The following LINGO2 variants were observed in gnomAD, a reference collection of about 807,000 sequenced individuals.
LINGO2 encodes the protein leucine rich repeat and Ig domain containing 2, also known as leucine-rich repeat and immunoglobulin-like domain-containing nogo receptor-interacting protein 2.
LINGO2 carries 14 observed loss-of-function variants against 30.6 expected under a neutral mutation model. That is an observed-to-expected ratio of 0.46 (90% CI 0.30 to 0.72). The LOEUF is 0.72. Among genes scored for constraint, LINGO2 ranks in the 30% least tolerant of loss-of-function variants. LINGO2 has a pLI of 0.07. For synonymous variants in LINGO2, 317 were observed against 288.5 expected (o/e 1.10, Z -1.00); for missense variants, 729 against 751.7 (o/e 0.97, Z 0.35).
the LINGO2 span, among the ~76,000 whole-genome samples, chr9:28,954,121 AACAAAT>A: frequency 6.6e-6 from 1 of 152,200 alleles, no homozygotes; most frequent in Non-Finnish European, 1.5e-5. Flanking sequence ...GATCACTGGC[AACAAAT>A]ACAAATACAA....
chr9:29,119,316 T>C, the LINGO2 span, among the ~76,000 whole-genome samples: 1 of 151,914 alleles, frequency 6.6e-6, no homozygotes, highest in Non-Finnish European at 1.5e-5. Context: ...ATATTCAAAA[T>C]ATATAAGGGA....
chr9:28,003,713 G>A (rs1209617834), intron 5 of LINGO2, among the ~76,000 whole-genome samples: 1 of 152,120 alleles, frequency 6.6e-6, no homozygotes, highest in African/African-American at 2.4e-5. Flanking sequence ...CGCCCGCCTT[G>A]GCCTCCCAGT....
chr9:28,745,599 G>A, the LINGO2 span, among the ~76,000 whole-genome samples: 1 of 151,894 alleles, frequency 6.6e-6, no homozygotes, highest in Non-Finnish European at 1.5e-5. Context: ...TCATCATTCT[G>A]GCAAGAATAT....
intron 1 of LINGO2, among the ~76,000 whole-genome samples, chr9:28,492,877 G>A (rs528043805): frequency 1.5e-3 from 230 of 152,274 alleles, no homozygotes; most frequent in Middle Eastern, 6.8e-3. Flanking sequence ...GAGCGGGCGG[G>A]TGGACTACTT....
At chr9:28,766,404 G>A in the LINGO2 span, among the ~76,000 whole-genome samples, 249 of 150,106 alleles carry the variant, frequency 1.7e-3, 2 homozygotes, top group African/African-American at 5.8e-3. Flanking sequence ...TGATATCAAA[G>A]CCACCTGATA....
intron 1 of LINGO2, among the ~76,000 whole-genome samples, chr9:28,505,241 T>G (rs1820062035): frequency 6.6e-6 from 1 of 151,064 alleles, no homozygotes; most frequent in African/African-American, 2.4e-5. Flanking sequence ...ATATGAGACA[T>G]TTTTTCATGG....
intron 1 of LINGO2, among the ~76,000 whole-genome samples, chr9:28,551,519 G>A (rs987592585): frequency 2.0e-5 from 3 of 151,836 alleles, no homozygotes; most frequent in African/African-American, 7.2e-5. Context: ...TTAAAATTAT[G>A]TTCTGCTTTT....
chr9:28,235,852 A>G (rs1352659382), intron 4 of LINGO2, among the ~76,000 whole-genome samples: 2 of 152,190 alleles, frequency 1.3e-5, no homozygotes, highest in Non-Finnish European at 2.9e-5. Context: ...TCAAAGGGCA[A>G]ATGTAAGAGT....
At chr9:28,786,263 C>G in the LINGO2 span, among the ~76,000 whole-genome samples, 1 of 152,134 alleles carries the variant, frequency 6.6e-6, no homozygotes, top group Non-Finnish European at 1.5e-5. Context: ...CCTACCATGA[C>G]ACCTCCTTAA....
chr9:28,776,152 C>T, the LINGO2 span, among the ~76,000 whole-genome samples: 2 of 152,150 alleles, frequency 1.3e-5, no homozygotes, highest in African/African-American at 4.8e-5. Flanking sequence ...CTTGAATAAG[C>T]CCCTGGCTTC....
At chr9:28,124,921 G>A (rs1827196060) in intron 4 of LINGO2, among the ~76,000 whole-genome samples, 1 of 152,174 alleles carries the variant, frequency 6.6e-6, no homozygotes, top group Non-Finnish European at 1.5e-5. Context: ...AGAAGATAAT[G>A]ACATGTGCCA....
intron 2 of LINGO2, among the ~76,000 whole-genome samples, chr9:28,448,811 T>C (rs914085815): frequency 2.0e-5 from 3 of 151,552 alleles, no homozygotes; most frequent in Non-Finnish European, 4.4e-5. Flanking sequence ...GAGGAAAGAG[T>C]GTGATGAGAG....
intron 5 of LINGO2, among the ~76,000 whole-genome samples, chr9:27,999,773 T>C (rs368908869): frequency 2.6e-5 from 4 of 152,188 alleles, no homozygotes; most frequent in African/African-American, 7.2e-5. Context: ...TGCTGACTTC[T>C]AGGACTTGGG....
At chr9:28,484,856 G>GA (rs1826109095) in intron 1 of LINGO2, among the ~76,000 whole-genome samples, 11 of 152,130 alleles carry the variant, frequency 7.2e-5, no homozygotes, top group Non-Finnish European at 1.6e-4. Flanking sequence ...TCTACAGGGT[G>GA]TTGTGAGCAA....
chr9:28,325,026 G>A (rs964066223), intron 3 of LINGO2, among the ~76,000 whole-genome samples: 1 of 151,528 alleles, frequency 6.6e-6, no homozygotes, highest in African/African-American at 2.4e-5. Context: ...TCTCTTCCAC[G>A]TATCTCTCTT....
intron 1 of LINGO2, among the ~76,000 whole-genome samples, chr9:28,633,182 TGCCTTCCCCA>T (rs1827083572): frequency 6.6e-6 from 1 of 152,044 alleles, no homozygotes; most frequent in African/African-American, 2.4e-5. Flanking sequence ...AGGGTGGATC[TGCCTTCCCCA>T]GCCCACTGAC....
At chr9:28,500,390 C>A (rs933487541) in intron 1 of LINGO2, among the ~76,000 whole-genome samples, 1 of 152,036 alleles carries the variant, frequency 6.6e-6, no homozygotes, top group Non-Finnish European at 1.5e-5. Flanking sequence ...TTGAGGCAAA[C>A]AAACAGCATT....
chr9:28,883,564 C>T, the LINGO2 span, among the ~76,000 whole-genome samples: 1 of 145,890 alleles, frequency 6.9e-6, no homozygotes, highest in Admixed American at 7.1e-5. Context: ...CAGCAACTGA[C>T]ATTTCCCTTC....
the LINGO2 span, among the ~76,000 whole-genome samples, chr9:29,074,031 A>T: frequency 8.1e-6 from 1 of 122,706 alleles, no homozygotes; most frequent in Non-Finnish European, 1.7e-5. Context: ...TTAAAAATCA[A>T]ACTTTGATTT....
Sources: allele counts gnomAD v4.1 joint callset (sites outside exome capture counted in the v4.1 genomes callset), GRCh38; gene constraint gnomAD v4.1.1; transcripts MANE v1.5; gene names NCBI Gene and HGNC (gene_info 2026-07-23, HGNC 2026-07-21).